The following SUMF1 variants were observed in gnomAD, a reference collection of about 807,000 sequenced individuals.
SUMF1 encodes sulfatase modifying factor 1.
SUMF1 carries 48 observed loss-of-function variants against 47.6 expected under a neutral mutation model. That is an observed-to-expected ratio of 1.01 (90% CI 0.80 to 1.28). The LOEUF is 1.28. Among genes scored for constraint, SUMF1 ranks in the 50% most tolerant of loss-of-function variants. SUMF1 has a pLI of 0.00. For synonymous variants in SUMF1, 230 were observed against 192.1 expected (o/e 1.20, Z -1.63); for missense variants, 571 against 485.4 (o/e 1.18, Z -1.66).
intron 8 of SUMF1, among the ~76,000 whole-genome samples, chr3:4,158,413 T>C (rs1188287636): frequency 6.6e-6 from 1 of 151,540 alleles, no homozygotes; most frequent in Non-Finnish European, 1.5e-5. Flanking sequence ...AGGAGAAGAA[T>C]GTATATTCTG....
At chr3:4,359,974 T>G (rs911789153), downstream of SUMF1, among the ~76,000 whole-genome samples, 8 of 152,190 alleles carry the variant, frequency 5.3e-5, no homozygotes, top group African/African-American at 1.9e-4. Context: ...TCCAGTATTA[T>G]GCTGCTGCTA....
chr3:4,050,692 G>A (rs1345099457), intron 9 of SUMF1, among the ~76,000 whole-genome samples: 42 of 140,060 alleles, frequency 3.0e-4, no homozygotes, highest in Non-Finnish European at 5.0e-4. Context: ...GCAGTGAGCC[G>A]AGATCATGCC....
chr3:4,069,676 T>A (rs978740764), intron 8 of SUMF1, among the ~76,000 whole-genome samples: 3 of 152,166 alleles, frequency 2.0e-5, no homozygotes, highest in African/African-American at 7.2e-5. Flanking sequence ...CCCAAATTCC[T>A]ACCTAAGGGG....
intron 8 of SUMF1, among the ~76,000 whole-genome samples, chr3:4,326,106 G>C (rs1698939306): frequency 6.6e-6 from 1 of 152,154 alleles, no homozygotes; most frequent in Non-Finnish European, 1.5e-5. Flanking sequence ...ACAGGCGTGA[G>C]CCACAGTGCC....
At chr3:4,233,816 A>G (rs1696351986) in intron 8 of SUMF1, among the ~76,000 whole-genome samples, 1 of 152,150 alleles carries the variant, frequency 6.6e-6, no homozygotes, top group Non-Finnish European at 1.5e-5. Flanking sequence ...GTATGTGGTT[A>G]AAAGCAGAGT....
intron 3 of SUMF1, among the ~76,000 whole-genome samples, chr3:4,440,324 AT>A (rs1464632159): frequency 6.6e-6 from 1 of 150,832 alleles, no homozygotes; most frequent in African/African-American, 2.4e-5. Context: ...TACTTTTCCT[AT>A]GTACTGAAAC....
chr3:4,094,321 T>G (rs140442689), intron 8 of SUMF1, among the ~76,000 whole-genome samples: 97 of 152,108 alleles, frequency 6.4e-4, no homozygotes, highest in African/African-American at 2.2e-3. Context: ...GCACTGGAGA[T>G]AGAAAGATGG....
chr3:4,299,522 A>G (rs1171171832), intron 8 of SUMF1, among the ~76,000 whole-genome samples: 1 of 152,242 alleles, frequency 6.6e-6, no homozygotes, highest in Non-Finnish European at 1.5e-5. Flanking sequence ...TTTAAACAAT[A>G]TCTGGGCCAG....
At chr3:4,177,588 G>C (rs1163689358) in intron 8 of SUMF1, among the ~76,000 whole-genome samples, 1 of 152,094 alleles carries the variant, frequency 6.6e-6, no homozygotes, top group Non-Finnish European at 1.5e-5. Flanking sequence ...GAGAAAGCAG[G>C]AAAGATCTAA....
intron 8 of SUMF1, among the ~76,000 whole-genome samples, chr3:4,206,844 T>C (rs1437749598): frequency 6.6e-6 from 1 of 152,114 alleles, no homozygotes; most frequent in Non-Finnish European, 1.5e-5. Context: ...CTAGGTACTC[T>C]GCATTTCCAC....
Position 4,362,258 on chromosome 3 carries a change from T to A in SUMF1, c.1015-4A>T. The A allele has an allele frequency of 6.2e-7, 1 of 1,613,488 alleles. No homozygotes were observed. Among genetic ancestry groups the A allele is most frequent in the Non-Finnish European group, 8.5e-7 (1 of 1,179,484 alleles). ...AGCGATACCTGTAACAATAAGACTG[T>A]GTAGAGAGAAAGAGCAAGGTAAGTG... is the stretch of plus-strand genomic sequence containing the variant. On this transcript the variant is annotated splice_region_variant and splice_polypyrimidine_tract_variant and intron_variant, in intron 8 of 8. Coordinates refer to ENST00000272902, the MANE Select transcript of SUMF1 (RefSeq NM_182760.4).
At position 4,417,254 on chromosome 3, in the gene SUMF1, G is replaced by T; in HGVS notation, c.726-12C>A. Reference sequence around the variant, plus strand: ...CCCAGGGGAAAAGTCTGTCAGAAGAGACACAGGCATCAGCCTGTCAAACAG... The same window carrying T: ...CCCAGGGGAAAAGTCTGTCAGAAGATACACAGGCATCAGCCTGTCAAACAG... On this transcript the variant is annotated splice_polypyrimidine_tract_variant and intron_variant, in intron 5 of 8. Coordinates refer to ENST00000272902, the MANE Select transcript of SUMF1 (RefSeq NM_182760.4). The T allele has an allele frequency of 6.2e-7, 1 of 1,612,106 alleles. No individual in the cohort carries two copies. Among genetic ancestry groups the T allele is most frequent in the African/African-American group, 1.3e-5 (1 of 75,004 alleles).
chr3:4,357,796 C>T (rs925386693), downstream of SUMF1, among the ~76,000 whole-genome samples: 3 of 151,664 alleles, frequency 2.0e-5, no homozygotes, highest in Non-Finnish European at 2.9e-5. Flanking sequence ...TTAGTAGAGA[C>T]GGGGTTTCAC....
intron 3 of SUMF1, among the ~76,000 whole-genome samples, chr3:4,447,038 T>C (rs1702804598): frequency 6.6e-6 from 1 of 152,158 alleles, no homozygotes; most frequent in Non-Finnish European, 1.5e-5. Context: ...GATTAGGATG[T>C]GGCACCTGGA....
intron 8 of SUMF1, among the ~76,000 whole-genome samples, chr3:4,075,868 G>T (rs1482631931): frequency 6.6e-6 from 1 of 152,116 alleles, no homozygotes; most frequent in Non-Finnish European, 1.5e-5. Flanking sequence ...AACATTCCAT[G>T]CTCATGGATA....
At chr3:4,207,779 A>C (rs1335319106) in intron 8 of SUMF1, among the ~76,000 whole-genome samples, 1 of 152,178 alleles carries the variant, frequency 6.6e-6, no homozygotes, top group Non-Finnish European at 1.5e-5. Flanking sequence ...ACATAGCGAC[A>C]GACAAGGAGA....
chr3:4,313,182 T>C (rs1698486710), intron 8 of SUMF1: 9 of 1,614,002 alleles, frequency 5.6e-6, no homozygotes, highest in Non-Finnish European at 7.6e-6. Flanking sequence ...TCAAGACGCA[T>C]AAAAAAGGCT....
chr3:4,119,369 G>T (rs1693490127), intron 8 of SUMF1, among the ~76,000 whole-genome samples: 1 of 151,982 alleles, frequency 6.6e-6, no homozygotes, highest in Admixed American at 6.6e-5. Flanking sequence ...GCCTGTCATT[G>T]GAGGCCTTTG....
At chr3:4,100,839 CA>C (rs1693015287) in intron 8 of SUMF1, among the ~76,000 whole-genome samples, 1 of 151,804 alleles carries the variant, frequency 6.6e-6, no homozygotes, top group Non-Finnish European at 1.5e-5. Flanking sequence ...AAAAAATGGA[CA>C]AAGAACTTTA....
Sources: allele counts gnomAD v4.1 joint callset (sites outside exome capture counted in the v4.1 genomes callset), GRCh38; gene constraint gnomAD v4.1.1; transcripts MANE v1.5; gene names NCBI Gene and HGNC (gene_info 2026-07-23, HGNC 2026-07-21).